ST3GAL6: variants seen among roughly 807,000 people sequenced by gnomAD.
ST3GAL6 encodes type 2 lactosamine alpha-2,3-sialyltransferase.
ST3GAL6 carries 31 observed loss-of-function variants against 40.5 expected under a neutral mutation model. The observed-to-expected ratio is 0.77, with a 90% CI of 0.58 to 1.03. The LOEUF (loss-of-function observed/expected upper bound fraction) is 1.03, where lower values mean the gene tolerates loss of function less well. Ranked by LOEUF, ST3GAL6 falls within the 50% of genes least tolerant of loss-of-function variation. ST3GAL6 has a pLI of 0.00. For missense variants in ST3GAL6, 357 were observed against 393.2 expected (o/e 0.91, Z 0.78); for synonymous variants, 129 against 136.9 (o/e 0.94, Z 0.40).
At chr3:98,753,345 G>A (rs1348801533) in intron 1 of ST3GAL6, among the ~76,000 whole-genome samples, 1 of 152,200 alleles carries the variant, frequency 6.6e-6, no homozygotes, top group Admixed American at 6.5e-5. Context: ...TAAGTCATGA[G>A]GTTTAAGGAA....
chr3:98,752,750 C>T (rs552621721), intron 1 of ST3GAL6, among the ~76,000 whole-genome samples: 6 of 152,314 alleles, frequency 3.9e-5, no homozygotes, highest in African/African-American at 1.4e-4. Context: ...GGATTACAGG[C>T]GTGAGCCACC....
At chr3:98,759,783 ATTCAGTTGGCACTTAG>A (rs1332357208), upstream of ST3GAL6, among the ~76,000 whole-genome samples, 1 of 152,156 alleles carries the variant, frequency 6.6e-6, no homozygotes, top group Non-Finnish European at 1.5e-5. Flanking sequence ...GTGGCCAATG[ATTCAGTTGGCACTTAG>A]GTGAATCAGA....
Position 98,772,917 on chromosome 3 carries a change from G to A in ST3GAL6, c.271+1G>A. The A allele has an allele frequency of 1.3e-6, 2 of 1,581,294 alleles. No homozygotes were observed. The highest frequency in any genetic ancestry group is 1.3e-5 in the African/African-American group (1 of 74,414). The stretch of plus-strand genomic sequence containing the variant: ...TTGCCCTATGGGATGAGAACATCAG[G>A]TCAGTAGTAGTATTCTTACCTGGTT... On this transcript the variant is annotated splice_donor_variant, in intron 4 of 9. Coordinates refer to ENST00000483910, the MANE Select transcript of ST3GAL6 (RefSeq NM_001323368.2). LOFTEE classifies it high-confidence loss of function.
intron 5 of ST3GAL6, among the ~76,000 whole-genome samples, chr3:98,781,476 A>T (rs948977451): frequency 5.4e-5 from 8 of 148,038 alleles, no homozygotes; most frequent in South Asian, 2.1e-4. Flanking sequence ...TTAAAGTATA[A>T]AAAAAAAAAA....
chr3:98,765,554 A>C (rs1477801025), intron 1 of ST3GAL6, among the ~76,000 whole-genome samples: 1 of 152,184 alleles, frequency 6.6e-6, no homozygotes, highest in African/African-American at 2.4e-5. Flanking sequence ...ATTTGTCAAG[A>C]TTGAGTTTAA....
rs895320656 is a variant in ST3GAL6, at chr3:98,794,924, G to A, written c.*1163G>A. 1 of 151,984 alleles carries A rather than the reference G, an allele frequency of 6.6e-6. No homozygotes were observed. 9.4% of individuals were successfully genotyped at this position (151,984 alleles called of 1,614,324 possible). A position where few individuals can be genotyped will look rare whatever the true frequency, so the allele number is the denominator to read the frequency against. ...TAAAAAATATAAAAAGTGAAGTTGG[G>A]ATTTTTGGATTTAAATGGTACAAAA... On this transcript the variant is annotated 3_prime_UTR_variant, in exon 10 of 10. Transcript: ENST00000483910.
intron 6 of ST3GAL6, among the ~76,000 whole-genome samples, chr3:98,786,335 G>A (rs769437638): frequency 6.6e-6 from 1 of 152,150 alleles, no homozygotes; most frequent in Admixed American, 6.6e-5. Context: ...CACCAGTGAG[G>A]TAAGAAGAAA....
chr3:98,788,041 A>G lies in ST3GAL6; in HGVS notation c.437A>G (p.Asn146Ser). 6.2e-7 allele frequency: 1 copy of G among 1,612,630 alleles called. No homozygotes were observed. The highest frequency in any genetic ancestry group is 8.5e-7 in the Non-Finnish European group (1 of 1,179,452). ...GTATGTTTTACTATCCACAGAATGA[A>G]TAATGGTCCTGTTTTAGGACATGAA... Reference protein sequence around the residue: ...IDSYDVIIRMNNGPVLGHEEE... With the variant: ...IDSYDVIIRMSNGPVLGHEEE... Residue 146 changes from asparagine to serine, a missense_variant, in exon 7 of 10, where the codon AAT (asparagine) becomes AGT (serine). Physicochemically the swap from Asn to Ser is conservative, Grantham distance 46. Coordinates refer to ENST00000483910, the MANE Select transcript of ST3GAL6 (RefSeq NM_001323368.2).
intron 1 of ST3GAL6, chr3:98,732,741 C>G: frequency 2.0e-6 from 2 of 994,734 alleles, no homozygotes; most frequent in South Asian, 2.0e-5. Context: ...CCTGAGACTC[C>G]GGGCAGGGCT....
chr3:98,763,525 A>G, intron 1 of ST3GAL6, 86 bp downstream of exon 1: 4 of 1,223,914 alleles, frequency 3.3e-6, no homozygotes, highest in Admixed American at 2.3e-5. Context: ...TTAGGTGCCC[A>G]CAGGCTGTGT....
At chr3:98,742,996 G>A (rs1020627314) in intron 1 of ST3GAL6, among the ~76,000 whole-genome samples, 2 of 143,690 alleles carry the variant, frequency 1.4e-5, no homozygotes, top group Non-Finnish European at 3.0e-5. Context: ...CACCATGCCA[G>A]GCTCTTTTTT....
intron 3 of ST3GAL6, chr3:98,772,325 T>G (rs1939084648): frequency 2.0e-5 from 3 of 152,764 alleles, no homozygotes; most frequent in Non-Finnish European, 4.4e-5. Context: ...TTCAGTGTTA[T>G]AAAGAGAACA....
At chr3:98,788,701 G>A (rs575198958) in intron 8 of ST3GAL6, among the ~76,000 whole-genome samples, 2 of 152,308 alleles carry the variant, frequency 1.3e-5, no homozygotes, top group South Asian at 2.1e-4. Flanking sequence ...GCCTTCCTGG[G>A]GTCTCTTTGT....
intron 5 of ST3GAL6, among the ~76,000 whole-genome samples, chr3:98,775,918 G>A (rs1173182631): frequency 6.6e-6 from 1 of 152,178 alleles, no homozygotes; most frequent in African/African-American, 2.4e-5. Flanking sequence ...CTGAAGTGAA[G>A]TAAATGTATA....
chr3:98,732,899 TG>T, intron 1 of ST3GAL6: 1 of 1,508,610 alleles, frequency 6.6e-7, no homozygotes, highest in Non-Finnish European at 8.8e-7. Context: ...AGCAGCCGGC[TG>T]GAGCAGCGGC....
At chr3:98,761,955 T>C (rs939524285), upstream of ST3GAL6, among the ~76,000 whole-genome samples, 1 of 152,208 alleles carries the variant, frequency 6.6e-6, no homozygotes, top group African/African-American at 2.4e-5. Flanking sequence ...TGCTGAGAAG[T>C]CATTTCTCTC....
chr3:98,748,974 C>T (rs1936771581), intron 1 of ST3GAL6, among the ~76,000 whole-genome samples: 1 of 152,176 alleles, frequency 6.6e-6, no homozygotes, highest in Non-Finnish European at 1.5e-5. Flanking sequence ...TCCCTAGTCA[C>T]CCTACAATTG....
In ST3GAL6 at chr3:98,755,939, C is replaced by T. The variant is rs112069236; in HGVS notation, c.-11-12491C>T. 3.7e-3 allele frequency among the ~76,000 whole-genome samples: 567 copies of T among 152,098 alleles called. 3 individuals are homozygous for T. The highest frequency in any genetic ancestry group is 0.013 in the African/African-American group (543 of 41,466). ...TCTTCTTGATCTCCTCCTCATTCTCCTCTCTCCTTCTGTCCCTTCCTCTTC... is the reference window on the plus strand; with the variant it reads ...TCTTCTTGATCTCCTCCTCATTCTCTTCTCTCCTTCTGTCCCTTCCTCTTC... On this transcript the variant is annotated intron_variant, in intron 1 of 9. Coordinates refer to the ST3GAL6 transcript ENST00000265261.
At chr3:98,786,691 T>G (rs1268580817) in intron 6 of ST3GAL6, among the ~76,000 whole-genome samples, 1 of 152,074 alleles carries the variant, frequency 6.6e-6, no homozygotes, top group Admixed American at 6.6e-5. Context: ...AGGGTTTTTT[T>G]TTTGTTTGTT....
Sources: allele counts gnomAD v4.1 joint callset (sites outside exome capture counted in the v4.1 genomes callset), GRCh38; gene constraint gnomAD v4.1.1; transcripts MANE v1.5; gene names NCBI Gene and HGNC (gene_info 2026-07-23, HGNC 2026-07-21).